The following MEMO1 variants were observed in gnomAD, a reference collection of about 807,000 sequenced individuals.
The protein encoded by MEMO1 is protein MEMO1.
A neutral mutation model predicts 45.2 loss-of-function variants in MEMO1; 6 were observed. That is an observed-to-expected ratio of 0.13 (90% CI 0.07 to 0.26). The LOEUF (loss-of-function observed/expected upper bound fraction) is 0.26, where lower values mean the gene tolerates loss of function less well. MEMO1 is among the 10% of genes least tolerant of loss of function. The probability of loss-of-function intolerance (pLI) is 1.00; values close to 1 mark genes in which losing one functional copy is unlikely to be tolerated. For synonymous variants in MEMO1, 78 were observed against 124.3 expected (o/e 0.63, Z 2.48); for missense variants, 184 against 370.5 (o/e 0.50, Z 4.13).
intron 2 of MEMO1, among the ~76,000 whole-genome samples, chr2:31,971,919 A>C (rs537555660): frequency 4.6e-4 from 70 of 152,264 alleles, no homozygotes; most frequent in Admixed American, 2.0e-3. Context: ...GCAGTGAGCC[A>C]AGATCGTGCC....
intron 3 of MEMO1, among the ~76,000 whole-genome samples, chr2:31,942,724 G>A (rs1444001233): frequency 2.0e-5 from 3 of 151,970 alleles, no homozygotes; most frequent in African/African-American, 7.3e-5. Context: ...GTCTCACCAT[G>A]TTGCCCAGGC....
intron 2 of MEMO1, among the ~76,000 whole-genome samples, chr2:31,991,323 A>C (rs1373889892): frequency 6.6e-6 from 1 of 152,204 alleles, no homozygotes; most frequent in African/African-American, 2.4e-5. Flanking sequence ...CTGTAATCCC[A>C]GCACTTTGGG....
intron 6 of MEMO1, among the ~76,000 whole-genome samples, chr2:31,894,424 T>C (rs1677429476): frequency 6.6e-6 from 1 of 152,216 alleles, no homozygotes; most frequent in Non-Finnish European, 1.5e-5. Flanking sequence ...AGTCCGAGAT[T>C]GCTGTTGTTG....
chr2:31,956,876 G>A (rs1235920922), intron 2 of MEMO1, among the ~76,000 whole-genome samples: 1 of 152,166 alleles, frequency 6.6e-6, no homozygotes, highest in African/African-American at 2.4e-5. Flanking sequence ...AGACACAGTG[G>A]CTCACGCCTC....
At chr2:31,953,523 T>G (rs1167760956) in intron 2 of MEMO1, among the ~76,000 whole-genome samples, 1 of 151,884 alleles carries the variant, frequency 6.6e-6, no homozygotes, top group Non-Finnish European at 1.5e-5. Context: ...AGGCACGATC[T>G]TGGCTCACTG....
chr2:31,904,481 T>C (rs138996981), intron 6 of MEMO1, among the ~76,000 whole-genome samples: 2 of 152,328 alleles, frequency 1.3e-5, no homozygotes, highest in East Asian at 3.9e-4. Context: ...ATGTACTTTC[T>C]ATGCAGCCCA....
intron 2 of MEMO1, among the ~76,000 whole-genome samples, chr2:32,009,433 C>A (rs1674523567): frequency 6.6e-6 from 1 of 152,088 alleles, no homozygotes; most frequent in Admixed American, 6.6e-5. Context: ...GTGACAAATC[C>A]CTGAAAGGCC....
chr2:31,985,101 G>A (rs1055605400), intron 2 of MEMO1, among the ~76,000 whole-genome samples: 2 of 152,118 alleles, frequency 1.3e-5, no homozygotes, highest in Non-Finnish European at 2.9e-5. Context: ...GTCATTTAAA[G>A]AGCAGGCAAA....
intron 2 of MEMO1, among the ~76,000 whole-genome samples, chr2:31,950,951 T>C (rs905051420): frequency 6.6e-6 from 1 of 152,222 alleles, no homozygotes; most frequent in African/African-American, 2.4e-5. Flanking sequence ...CTTCATACCA[T>C]TAAGAGAATT....
At chr2:32,004,303 A>G (rs1252676956) in intron 2 of MEMO1, among the ~76,000 whole-genome samples, 1 of 152,230 alleles carries the variant, frequency 6.6e-6, no homozygotes, top group African/African-American at 2.4e-5. Flanking sequence ...AATAAGAACT[A>G]GAAGTCAATA....
intron 9 of MEMO1, 106 bp from the exon 10 acceptor site, chr2:31,868,598 T>G (rs1673208288): frequency 1.9e-6 from 2 of 1,039,892 alleles, no homozygotes; most frequent in South Asian, 3.3e-5. Context: ...GCCTAGATTA[T>G]CTCTTTTGCT....
intron 2 of MEMO1, among the ~76,000 whole-genome samples, chr2:31,977,656 G>A (rs2148487413): frequency 6.6e-6 from 1 of 152,160 alleles, no homozygotes; most frequent in African/African-American, 2.4e-5. Context: ...TGGGACTACA[G>A]GTGTGCGCCA....
At chr2:31,974,183 G>A (rs1352247979) in intron 2 of MEMO1, among the ~76,000 whole-genome samples, 2 of 151,838 alleles carry the variant, frequency 1.3e-5, no homozygotes, top group Non-Finnish European at 1.5e-5. Context: ...CAAAAATAGG[G>A]GCACTTCCTT....
In MEMO1 at chr2:31,892,150, A is replaced by G; in HGVS notation, c.438-16T>C. 6.5e-7 allele frequency: 1 copy of G among 1,533,946 alleles called. No individual in the cohort carries two copies. Among genetic ancestry groups the G allele is most frequent in the South Asian group, 1.2e-5 (1 of 80,780 alleles). On this transcript the variant is annotated splice_polypyrimidine_tract_variant and intron_variant, in intron 6 of 9. Coordinates refer to ENST00000404530, the MANE Select transcript of MEMO1 (RefSeq NM_001301833.4). ...ATCCTTATGGCTTAAAGAAAACAGA[A>G]AAAAAAAAAATGTCATTTAAGATGC...
intron 2 of MEMO1, among the ~76,000 whole-genome samples, chr2:31,953,880 T>C (rs1480366294): frequency 2.0e-5 from 3 of 152,172 alleles, no homozygotes; most frequent in Non-Finnish European, 4.4e-5. Context: ...TTTGAAAAAT[T>C]AACTCATTTA....
chr2:31,994,117 C>A (rs1010772150), intron 2 of MEMO1, among the ~76,000 whole-genome samples: 1 of 149,686 alleles, frequency 6.7e-6, no homozygotes, highest in African/African-American at 2.4e-5. Context: ...TGCACCACCA[C>A]GCCTGGCTAA....
chr2:31,879,123 T>C (rs1028809582), intron 8 of MEMO1, among the ~76,000 whole-genome samples: 10 of 152,214 alleles, frequency 6.6e-5, no homozygotes, highest in African/African-American at 9.6e-5. Flanking sequence ...CTTTCTGTCA[T>C]ACTCAAACTA....
At chr2:32,001,956 A>C (rs1167206849) in intron 2 of MEMO1, among the ~76,000 whole-genome samples, 1 of 151,502 alleles carries the variant, frequency 6.6e-6, no homozygotes, top group Non-Finnish European at 1.5e-5. Flanking sequence ...GACCATCCTG[A>C]CCAACATGGT....
intron 8 of MEMO1, among the ~76,000 whole-genome samples, chr2:31,873,501 T>C (rs1674093387): frequency 6.6e-6 from 1 of 152,126 alleles, no homozygotes; most frequent in Admixed American, 6.5e-5. Context: ...AAAGCTCAGA[T>C]TCAGGACCCT....
Sources: gnomAD v4.1 joint callset for allele counts (sites outside exome capture counted in the v4.1 genomes callset) on GRCh38, gnomAD v4.1.1 for gene constraint, MANE v1.5 for transcripts, NCBI Gene and HGNC (gene_info 2026-07-23, HGNC 2026-07-21) for gene names.